GRM5: variants seen among roughly 807,000 people sequenced by gnomAD.
GRM5 encodes the protein metabotropic glutamate receptor 5.
A neutral mutation model predicts 83.1 loss-of-function variants in GRM5; 19 were observed. The observed-to-expected ratio is 0.23, with a 90% CI of 0.16 to 0.34. GRM5 has a LOEUF of 0.34. GRM5 is among the 10% of genes least tolerant of loss of function. GRM5 has a pLI of 1.00. For missense variants in GRM5, 1,160 were observed against 1,588.3 expected, an observed-to-expected ratio of 0.73 and a Z score of 4.58; for synonymous variants, 675 against 633.6, an observed-to-expected ratio of 1.07 and a Z score of -0.98.
intron 3 of GRM5, among the ~76,000 whole-genome samples, chr11:88,777,917 C>T (rs1219823636): frequency 6.6e-6 from 1 of 152,176 alleles, no homozygotes; most frequent in Non-Finnish European, 1.5e-5. Flanking sequence ...GGGTCAGGGA[C>T]CCACTTAAGG....
chr11:88,587,223 T>A (rs948115943), intron 7 of GRM5, among the ~76,000 whole-genome samples: 1 of 152,160 alleles, frequency 6.6e-6, no homozygotes, highest in African/African-American at 2.4e-5. Flanking sequence ...GCAGTCTAAG[T>A]ATATCAAAGA....
chr11:89,017,199 C>T (rs938866654), intron 2 of GRM5, among the ~76,000 whole-genome samples: 1 of 151,986 alleles, frequency 6.6e-6, no homozygotes, highest in African/African-American at 2.4e-5. Context: ...CTGGTATGAC[C>T]CTCAGACCAC....
At chr11:88,960,008 T>C (rs1383343785) in intron 2 of GRM5, among the ~76,000 whole-genome samples, 1 of 152,056 alleles carries the variant, frequency 6.6e-6, no homozygotes, top group Non-Finnish European at 1.5e-5. Flanking sequence ...TGAGTAGACA[T>C]CTGGATGAAG....
chr11:88,705,208 G>C (rs558746156), intron 3 of GRM5, among the ~76,000 whole-genome samples: 2 of 152,132 alleles, frequency 1.3e-5, no homozygotes, highest in East Asian at 1.9e-4. Context: ...TCTTCAGCCT[G>C]GAAGCACATT....
At chr11:88,930,406 TC>T in intron 2 of GRM5, among the ~76,000 whole-genome samples, 1 of 152,162 alleles carries the variant, frequency 6.6e-6, no homozygotes, top group Non-Finnish European at 1.5e-5. Context: ...AGAAGTAACA[TC>T]CCATCTCTAA....
chr11:88,842,083 G>A (rs1386515324), intron 3 of GRM5, among the ~76,000 whole-genome samples: 2 of 152,120 alleles, frequency 1.3e-5, no homozygotes, highest in East Asian at 3.8e-4. Context: ...GCTCACAAGT[G>A]TGCACAAAAG....
At chr11:88,898,994 C>T (rs544582247) in intron 2 of GRM5, among the ~76,000 whole-genome samples, 1 of 151,802 alleles carries the variant, frequency 6.6e-6, no homozygotes, top group Non-Finnish European at 1.5e-5. Flanking sequence ...AGGTGGTATT[C>T]GAACGAATCA....
chr11:88,571,057 T>TGGA (rs769318053), intron 7 of GRM5, among the ~76,000 whole-genome samples: 9 of 152,178 alleles, frequency 5.9e-5, no homozygotes, highest in Non-Finnish European at 1.2e-4. Flanking sequence ...AAGAATGAGC[T>TGGA]GGAAAAAGTA....
chr11:88,740,509 G>C (rs903647491), intron 3 of GRM5, among the ~76,000 whole-genome samples: 16 of 151,924 alleles, frequency 1.1e-4, no homozygotes, highest in African/African-American at 3.9e-4. Flanking sequence ...AATTGTCATA[G>C]TAACCATAAG....
chr11:88,910,072 C>G (rs1342386346), intron 2 of GRM5, among the ~76,000 whole-genome samples: 1 of 152,064 alleles, frequency 6.6e-6, no homozygotes, highest in East Asian at 1.9e-4. Context: ...CAATCACTCC[C>G]CAGTTCCCAC....
rs192397581 is a variant in GRM5, at chr11:88,590,894, A to T, written c.1564-167T>A. Among the ~76,000 whole-genome samples, 12 of 152,316 alleles carry T rather than the reference A, an allele frequency of 7.9e-5. No individual in the cohort carries two copies. The East Asian group carries it at 2.3e-3, about 29-fold the overall frequency. ...TTAATATTAATTTATAATTAAAGAA[A>T]ATAAGGCTGAGTTTAAACAAGTCCA... On this transcript the variant is annotated intron_variant, in intron 6 of 9. Transcript: ENST00000305447.
chr11:88,899,415 T>G (rs535206746), intron 2 of GRM5, among the ~76,000 whole-genome samples: 1 of 149,852 alleles, frequency 6.7e-6, no homozygotes. Context: ...AAGAAAAAAA[T>G]AGTGGATAAT....
intron 3 of GRM5, among the ~76,000 whole-genome samples, chr11:88,654,287 A>G (rs372020704): frequency 1.2e-4 from 18 of 152,168 alleles, no homozygotes; most frequent in African/African-American, 4.3e-4. Flanking sequence ...TGGAAAATAC[A>G]TGAAACATTG....
chr11:88,932,459 T>A (rs1249707372), intron 2 of GRM5, among the ~76,000 whole-genome samples: 1 of 152,000 alleles, frequency 6.6e-6, no homozygotes, highest in East Asian at 1.9e-4. Flanking sequence ...GAAATTTTCA[T>A]AATATGTGTA....
chr11:89,001,955 T>C (rs1019805130), intron 2 of GRM5, among the ~76,000 whole-genome samples: 2 of 152,166 alleles, frequency 1.3e-5, no homozygotes, highest in Admixed American at 6.6e-5. Context: ...AACTGAAGCG[T>C]AATTTTTACT....
chr11:88,818,839 C>T (rs1381491554), intron 3 of GRM5, among the ~76,000 whole-genome samples: 1 of 152,054 alleles, frequency 6.6e-6, no homozygotes, highest in Non-Finnish European at 1.5e-5. Flanking sequence ...TAAAAAAAGA[C>T]AGCATTATTG....
At position 88,929,241 on chromosome 11, in the gene GRM5, T is replaced by G. The variant is rs182266420; in HGVS notation, c.662-79086A>C. On this transcript the variant is annotated intron_variant, in intron 2 of 9. Coordinates refer to ENST00000305447, the MANE Select transcript of GRM5 (RefSeq NM_001143831.3). ...ACTAAGACTAAAGAAAGTTCTTCAATTATCATTTAAAGAAAATTATTTATT... is the reference window on the plus strand; with the variant it reads ...ACTAAGACTAAAGAAAGTTCTTCAAGTATCATTTAAAGAAAATTATTTATT... Among the ~76,000 whole-genome samples, 161 of 152,136 alleles carry G rather than the reference T, an allele frequency of 1.1e-3. 1 individual carries two copies. Among genetic ancestry groups the G allele is most frequent in the African/African-American group, 3.6e-3 (149 of 41,534 alleles).
chr11:88,881,592 A>T (rs1565274992), intron 2 of GRM5, among the ~76,000 whole-genome samples: 1 of 152,200 alleles, frequency 6.6e-6, no homozygotes, highest in Non-Finnish European at 1.5e-5. Flanking sequence ...CTTCAAAAAG[A>T]TGAAACCGAG....
chr11:88,845,399 G>C (rs1311698970), intron 3 of GRM5, among the ~76,000 whole-genome samples: 3 of 145,732 alleles, frequency 2.1e-5, no homozygotes, highest in African/African-American at 7.7e-5. Context: ...GCACTTATTA[G>C]GCTACAGTAC....
Sources: allele counts gnomAD v4.1 joint callset (sites outside exome capture counted in the v4.1 genomes callset), GRCh38; gene constraint gnomAD v4.1.1; transcripts MANE v1.5; gene names NCBI Gene and HGNC (gene_info 2026-07-23, HGNC 2026-07-21).